The following GABRG3 variants were observed in gnomAD, a reference collection of about 807,000 sequenced individuals.
The protein encoded by GABRG3 is gamma-aminobutyric acid type A receptor subunit gamma3.
Under a neutral mutation model 48.8 loss-of-function variants are expected in GABRG3, and 25 were observed. The ratio of observed to expected loss-of-function variants is 0.51; its 90% confidence interval spans 0.37 to 0.72. The LOEUF is 0.72. Ranked by LOEUF, GABRG3 falls within the 30% of genes least tolerant of loss-of-function variation. The pLI is 0.00. For missense variants in GABRG3, 394 were observed against 577.9 expected (o/e 0.68, Z 3.26); for synonymous variants, 227 against 217.6 (o/e 1.04, Z -0.38).
chr15:27,245,054 G>A (rs1319044576), intron 3 of GABRG3, among the ~76,000 whole-genome samples: 3 of 152,028 alleles, frequency 2.0e-5, no homozygotes, highest in African/African-American at 7.3e-5. Flanking sequence ...AGGTGATAGT[G>A]CTGGACCCTC....
chr15:27,501,112 C>T (rs1024876090), intron 6 of GABRG3, among the ~76,000 whole-genome samples: 6 of 152,006 alleles, frequency 3.9e-5, no homozygotes, highest in African/African-American at 1.4e-4. Flanking sequence ...CCACCACGCC[C>T]AGCAAATTTT....
intron 3 of GABRG3, among the ~76,000 whole-genome samples, chr15:27,163,857 C>A (rs1395642355): frequency 6.6e-6 from 1 of 152,152 alleles, no homozygotes; most frequent in Non-Finnish European, 1.5e-5. Context: ...GTAAACAGTT[C>A]TGTGTGGCAG....
intron 2 of GABRG3, among the ~76,000 whole-genome samples, chr15:27,020,435 G>A (rs12443440): frequency 0.022 from 3,404 of 152,166 alleles, 112 homozygotes; most frequent in East Asian, 0.17. Flanking sequence ...TTTTTGAGAC[G>A]GAGTCTCGCT....
chr15:27,440,875 G>A (rs1566842086), intron 5 of GABRG3, among the ~76,000 whole-genome samples: 1 of 152,188 alleles, frequency 6.6e-6, no homozygotes. Context: ...AAGTGATGAT[G>A]TAAATAGTAT....
intron 2 of GABRG3, among the ~76,000 whole-genome samples, chr15:27,002,350 A>G (rs1051040830): frequency 5.9e-5 from 9 of 152,306 alleles, no homozygotes; most frequent in South Asian, 2.1e-4. Context: ...GCAGCAAGCT[A>G]TCCTTCAAAG....
chr15:27,081,519 C>G (rs1896991984), intron 3 of GABRG3, among the ~76,000 whole-genome samples: 2 of 151,788 alleles, frequency 1.3e-5, no homozygotes, highest in African/African-American at 4.8e-5. Flanking sequence ...AAAATATGTT[C>G]ATTGTTTGAG....
intron 3 of GABRG3, among the ~76,000 whole-genome samples, chr15:27,203,384 T>C (rs2140430187): frequency 6.6e-6 from 1 of 152,362 alleles, no homozygotes; most frequent in East Asian, 1.9e-4. Flanking sequence ...TTTCATTCTT[T>C]TTTATAGCTG....
At chr15:27,473,746 C>T (rs61497303) in intron 5 of GABRG3, among the ~76,000 whole-genome samples, 41,219 of 152,010 alleles carry the variant, frequency 0.27, 6,582 homozygotes, top group African/African-American at 0.43. Flanking sequence ...GATTTCTCTG[C>T]GATGCTGTAG....
At chr15:27,147,332 G>A (rs915138764) in intron 3 of GABRG3, among the ~76,000 whole-genome samples, 3 of 152,004 alleles carry the variant, frequency 2.0e-5, no homozygotes, top group African/African-American at 7.2e-5. Flanking sequence ...GACAGAATTG[G>A]AGGTAGAAAT....
intron 2 of GABRG3, among the ~76,000 whole-genome samples, chr15:26,979,226 T>C (rs547882427): frequency 6.6e-6 from 1 of 152,320 alleles, no homozygotes; most frequent in Admixed American, 6.5e-5. Flanking sequence ...GGGACTTTTT[T>C]TGTTTGTTTG....
intron 5 of GABRG3, among the ~76,000 whole-genome samples, chr15:27,417,847 C>T (rs1887988609): frequency 6.6e-6 from 1 of 152,262 alleles, no homozygotes; most frequent in Admixed American, 6.5e-5. Flanking sequence ...ACTTCACAAG[C>T]TGTGGCATGG....
At chr15:27,293,886 G>A (rs1275768728) in intron 3 of GABRG3, among the ~76,000 whole-genome samples, 3 of 152,066 alleles carry the variant, frequency 2.0e-5, no homozygotes, top group African/African-American at 7.2e-5. Context: ...CTATGTCCAG[G>A]GAGCTACATT....
At chr15:26,990,976 T>G (rs1032503685) in intron 2 of GABRG3, among the ~76,000 whole-genome samples, 1 of 152,106 alleles carries the variant, frequency 6.6e-6, no homozygotes, top group South Asian at 2.1e-4. Context: ...GGCTAACTTT[T>G]GTATTTTCAA....
At chr15:27,048,266 G>T (rs140618454) in intron 3 of GABRG3, among the ~76,000 whole-genome samples, 1 of 152,316 alleles carries the variant, frequency 6.6e-6, no homozygotes, top group Non-Finnish European at 1.5e-5. Flanking sequence ...CCTCAGAGGT[G>T]CCACTGACAT....
At chr15:27,220,664 G>C (rs1889421905) in intron 3 of GABRG3, among the ~76,000 whole-genome samples, 1 of 152,128 alleles carries the variant, frequency 6.6e-6, no homozygotes, top group African/African-American at 2.4e-5. Flanking sequence ...AGAGTCCCTA[G>C]AACATCTGCA....
intron 5 of GABRG3, among the ~76,000 whole-genome samples, chr15:27,400,620 T>C (rs1355783152): frequency 6.6e-6 from 1 of 152,104 alleles, no homozygotes; most frequent in East Asian, 1.9e-4. Context: ...TTTAAACGAG[T>C]TTAGAGCTGT....
At chr15:27,073,833 A>G (rs909062036) in intron 3 of GABRG3, among the ~76,000 whole-genome samples, 1 of 152,248 alleles carries the variant, frequency 6.6e-6, no homozygotes, top group Non-Finnish European at 1.5e-5. Flanking sequence ...CAACTGAGGA[A>G]GGATCACTGC....
rs552609679 is a variant in GABRG3 at position 27,306,652 on chromosome 15, A to G, written c.271-20157A>G. Among the ~76,000 whole-genome samples the G allele has an allele frequency of 6.1e-4, 36 of 59,044 alleles. 1 individual carries two copies. The South Asian group carries it at 0.011, about 18-fold the overall frequency. 38.7% of individuals were successfully genotyped at this position (59,044 alleles called of 152,430 possible). A position where few individuals can be genotyped will look rare whatever the true frequency, so the allele number is the denominator to read the frequency against. ...TAAACATATATTTATATATAAACAT[A>G]TATATGAACATGTTTATATATAAAC... On this transcript the variant is annotated intron_variant, in intron 3 of 9. Coordinates refer to ENST00000615808, the MANE Select transcript of GABRG3 (RefSeq NM_033223.5).
intron 3 of GABRG3, among the ~76,000 whole-genome samples, chr15:27,043,565 C>G (rs1896313262): frequency 6.6e-6 from 1 of 152,216 alleles, no homozygotes; most frequent in African/African-American, 2.4e-5. Context: ...CTGTTTGTCC[C>G]ATGCTTCTGC....
Sources: gnomAD v4.1 joint callset for allele counts (sites outside exome capture counted in the v4.1 genomes callset) on GRCh38, gnomAD v4.1.1 for gene constraint, MANE v1.5 for transcripts, NCBI Gene and HGNC (gene_info 2026-07-23, HGNC 2026-07-21) for gene names.